The following SPATA13 variants were observed in gnomAD, a reference collection of about 807,000 sequenced individuals.
SPATA13 encodes the protein spermatogenesis associated 13, also known as spermatogenesis-associated protein 13.
In SPATA13, 50 loss-of-function variants were observed where a neutral mutation model predicts 104.0. That is an observed-to-expected ratio of 0.48 (90% CI 0.38 to 0.61). The LOEUF is 0.61. Among genes scored for constraint, SPATA13 ranks in the 20% least tolerant of loss-of-function variants. SPATA13 has a pLI of 0.00. For missense variants in SPATA13, 1,524 were observed against 1,690.6 expected (o/e 0.90, Z 1.73); for synonymous variants, 606 against 667.5 (o/e 0.91, Z 1.42).
At position 24,304,958 on chromosome 13, in the gene SPATA13, A is replaced by G. The variant is rs1877481443; in HGVS notation, c.*2185A>G. 2 of 152,244 alleles carry G rather than the reference A, an allele frequency of 1.3e-5. 1 individual carries two copies. Among genetic ancestry groups the G allele is most frequent in the Admixed American group, 1.3e-4 (2 of 15,286 alleles). 9.4% of individuals were successfully genotyped at this position (152,244 alleles called of 1,614,324 possible). A position where few individuals can be genotyped will look rare whatever the true frequency, so the allele number is the denominator to read the frequency against. ...TGATATATGTTGGAAACTACTTAAT[A>G]TGCTTTTCCTGCACACCTTAGCAAT... On this transcript the variant is annotated 3_prime_UTR_variant, in exon 13 of 13. Coordinates refer to ENST00000382108, the MANE Select transcript of SPATA13 (RefSeq NM_001166271.3).
At chr13:24,148,722 G>C (rs1026978569) in intron 3 of SPATA13, among the ~76,000 whole-genome samples, 2 of 152,166 alleles carry the variant, frequency 1.3e-5, no homozygotes, top group African/African-American at 4.8e-5. Flanking sequence ...TGTACACAAG[G>C]CTTAATGGAC....
At chr13:24,269,741 ATTTTTTTTTTT>A (rs71070673) in intron 4 of SPATA13, among the ~76,000 whole-genome samples, 2 of 75,912 alleles carry the variant, frequency 2.6e-5, no homozygotes, top group Non-Finnish European at 2.3e-5. Flanking sequence ...GCTAATATAA[ATTTTTTTTTTT>A]TTTTTTTTTT....
intron 4 of SPATA13, among the ~76,000 whole-genome samples, chr13:24,280,723 A>G (rs1230905640): frequency 1.3e-5 from 2 of 151,966 alleles, no homozygotes; most frequent in African/African-American, 4.8e-5. Flanking sequence ...AGGGTTAGAG[A>G]AGGCCTTTGT....
chr13:24,112,241 T>A (rs1328002757), intron 3 of SPATA13, among the ~76,000 whole-genome samples: 2 of 152,218 alleles, frequency 1.3e-5, no homozygotes. Flanking sequence ...CCTCTGGCAT[T>A]GTAGCAAAGC....
chr13:24,305,773 C>T lies in SPATA13; in HGVS notation c.*3000C>T, dbSNP rs1482374626. The T allele has an allele frequency of 6.6e-6, 1 of 152,194 alleles. No homozygotes were observed. Among genetic ancestry groups the T allele is most frequent in the Non-Finnish European group, 1.5e-5 (1 of 68,040 alleles). The allele number at this position is 152,194 out of a possible 1,614,324, so 9.4% of individuals were successfully genotyped here. On this transcript the variant is annotated 3_prime_UTR_variant, in exon 13 of 13. Coordinates refer to ENST00000382108, the MANE Select transcript of SPATA13 (RefSeq NM_001166271.3). ...CCATTCTTCACGTTTCAGAATTGGT[C>T]GACTTTGTTAGAAGATAATTGAAGT...
At chr13:24,209,834 G>A (rs182556528) in intron 1 of SPATA13, among the ~76,000 whole-genome samples, 11 of 152,152 alleles carry the variant, frequency 7.2e-5, no homozygotes, top group Admixed American at 3.3e-4. Flanking sequence ...TTTCTGAGGC[G>A]CCTCCATGCT....
Position 24,045,505 on chromosome 13 carries a change from C to T in SPATA13, c.-112+27804C>T, listed in dbSNP as rs555076486. Among the ~76,000 whole-genome samples, 17 of 152,266 alleles carry T rather than the reference C, an allele frequency of 1.1e-4. No individual in the cohort carries two copies. In the South Asian group the frequency reaches 3.1e-3, roughly 28 times the overall value. On this transcript the variant is annotated intron_variant, in intron 3 of 14. Transcript: ENST00000424834. The stretch of plus-strand genomic sequence containing the variant: ...TTATTAAATTCAATTAGGTAGGTCA[C>T]ATAATACACGTTTTTTAAATTGTTA...
chr13:24,062,889 A>G (rs1486916798), intron 3 of SPATA13, among the ~76,000 whole-genome samples: 1 of 152,154 alleles, frequency 6.6e-6, no homozygotes, highest in African/African-American at 2.4e-5. Context: ...TGCAAACTGC[A>G]TGCTTGTGGA....
intron 3 of SPATA13, among the ~76,000 whole-genome samples, chr13:24,082,917 G>A (rs1879588642): frequency 6.6e-6 from 1 of 151,244 alleles, no homozygotes; most frequent in African/African-American, 2.4e-5. Context: ...GTCTCAGTAT[G>A]GAAGGGCTGT....
At chr13:24,281,353 G>A (rs1875503120) in intron 4 of SPATA13, among the ~76,000 whole-genome samples, 1 of 152,216 alleles carries the variant, frequency 6.6e-6, no homozygotes, top group Admixed American at 6.5e-5. Context: ...AGGCAGGGGA[G>A]TGGAGGTGGG....
chr13:24,079,444 A>T (rs1879438084), intron 3 of SPATA13, among the ~76,000 whole-genome samples: 1 of 151,876 alleles, frequency 6.6e-6, no homozygotes, highest in Non-Finnish European at 1.5e-5. Context: ...AGAGCAGAGG[A>T]CTCCCGGTCT....
intron 1 of SPATA13, among the ~76,000 whole-genome samples, chr13:24,198,000 T>G (rs1302485786): frequency 6.6e-6 from 1 of 152,010 alleles, no homozygotes; most frequent in Non-Finnish European, 1.5e-5. Context: ...TCGTGTTTGT[T>G]TGTTTGTTTG....
At chr13:24,099,318 A>G (rs1880182438) in intron 3 of SPATA13, among the ~76,000 whole-genome samples, 1 of 152,222 alleles carries the variant, frequency 6.6e-6, no homozygotes, top group Non-Finnish European at 1.5e-5. Context: ...AAAGATCACC[A>G]TTTTGCAAAT....
rs1191345408 is a variant in SPATA13 at position 24,160,736 on chromosome 13, C to G, written c.-308C>G. 18 of 985,578 alleles carry G rather than the reference C, an allele frequency of 1.8e-5. No individual in the cohort carries two copies. The highest frequency in any genetic ancestry group is 2.2e-5 in the Non-Finnish European group (18 of 830,176). 61.1% of individuals were successfully genotyped at this position (985,578 alleles called of 1,614,324 possible). ...GGCTTGGCTGAGTGTGCTGCCGCGG[C>G]GCGGGAGGAGAGTGTGCGTTGCGCT... On this transcript the variant is annotated 5_prime_UTR_variant, in exon 1 of 13. Transcript: ENST00000382108.
chr13:24,224,791 T>C, intron 2 of SPATA13: 2 of 650,310 alleles, frequency 3.1e-6, no homozygotes, highest in Admixed American at 2.1e-5. Flanking sequence ...AAATTGACAA[T>C]GTACGAGATT....
At chr13:24,198,143 C>G (rs1021076250) in intron 1 of SPATA13, among the ~76,000 whole-genome samples, 3 of 152,044 alleles carry the variant, frequency 2.0e-5, no homozygotes, top group Non-Finnish European at 2.9e-5. Flanking sequence ...TTACAGGCGC[C>G]CGCCACCATG....
At position 24,044,241 on chromosome 13, in the gene SPATA13, T is replaced by TC. The variant is rs1372880640; in HGVS notation, c.-112+26540_-112+26541insC. Among the ~76,000 whole-genome samples, 4 of 146,786 alleles carry TC rather than the reference T, an allele frequency of 2.7e-5. No individual in the cohort carries two copies. The East Asian group carries it at 7.8e-4, about 29-fold the overall frequency. ...TTTGTTTTTCTTTCTTTCTTTTTTT[T>TC]TTTTTTTTTTGAGACGTAGTCTTGC... On this transcript the variant is annotated intron_variant, in intron 3 of 14. Transcript: ENST00000424834.
At chr13:24,052,369 A>G (rs1279379929) in intron 3 of SPATA13, among the ~76,000 whole-genome samples, 1 of 141,456 alleles carries the variant, frequency 7.1e-6, no homozygotes, top group Non-Finnish European at 1.6e-5. Context: ...ACGAGATCCC[A>G]TCGCTACAAA....
chr13:24,031,657 T>A (rs1397419341), intron 3 of SPATA13, among the ~76,000 whole-genome samples: 2 of 152,224 alleles, frequency 1.3e-5, no homozygotes, highest in African/African-American at 2.4e-5. Context: ...TGTCAGGCAC[T>A]GTAGATGCAA....
Sources: allele counts gnomAD v4.1 joint callset (sites outside exome capture counted in the v4.1 genomes callset), GRCh38; gene constraint gnomAD v4.1.1; transcripts MANE v1.5; gene names NCBI Gene and HGNC (gene_info 2026-07-23, HGNC 2026-07-21).